The following WWOX variants were observed in gnomAD, a reference collection of about 807,000 sequenced individuals.
The protein encoded by WWOX is WW domain containing oxidoreductase.
Under a neutral mutation model 46.2 loss-of-function variants are expected in WWOX, and 69 were observed. That is an observed-to-expected ratio of 1.49 (90% CI 1.23 to 1.82). The LOEUF (loss-of-function observed/expected upper bound fraction) is 1.82. WWOX is among the 40% of genes most tolerant of loss of function. The pLI is 0.00. For synonymous variants in WWOX, 359 were observed against 202.6 expected, an observed-to-expected ratio of 1.77 and a Z score of -6.56; for missense variants, 919 against 542.6, an observed-to-expected ratio of 1.69 and a Z score of -6.89.
chr16:78,185,944 G>A (rs958183226), intron 5 of WWOX, among the ~76,000 whole-genome samples: 1 of 152,208 alleles, frequency 6.6e-6, no homozygotes, highest in Admixed American at 6.5e-5. Flanking sequence ...GGGATTACAG[G>A]TGTGAGTCAG....
intron 5 of WWOX, among the ~76,000 whole-genome samples, chr16:78,381,677 G>A (rs1820687490): frequency 6.6e-6 from 1 of 152,172 alleles, no homozygotes; most frequent in Admixed American, 6.5e-5. Flanking sequence ...AATTTTGAGA[G>A]CCATTTTACA....
intron 8 of WWOX, among the ~76,000 whole-genome samples, chr16:78,545,414 C>G (rs1038290602): frequency 6.6e-6 from 1 of 152,014 alleles, no homozygotes; most frequent in African/African-American, 2.4e-5. Flanking sequence ...GATGGGATTT[C>G]ATTATGTTGC....
intron 8 of WWOX, among the ~76,000 whole-genome samples, chr16:78,568,557 C>T (rs761622479): frequency 6.2e-4 from 93 of 149,370 alleles, no homozygotes; most frequent in Non-Finnish European, 1.1e-3. Context: ...GTCACTGCAA[C>T]CTCTGCCTCC....
At chr16:78,788,914 G>A (rs892536572) in intron 8 of WWOX, among the ~76,000 whole-genome samples, 1 of 152,354 alleles carries the variant, frequency 6.6e-6, no homozygotes, top group East Asian at 1.9e-4. Flanking sequence ...CCCCTGCTTA[G>A]TATGTGGGGA....
At chr16:78,178,036 A>G (rs962449443) in intron 5 of WWOX, among the ~76,000 whole-genome samples, 2 of 152,186 alleles carry the variant, frequency 1.3e-5, no homozygotes, top group African/African-American at 2.4e-5. Context: ...GAAAACAGAC[A>G]TGTGTTTACT....
intron 8 of WWOX, among the ~76,000 whole-genome samples, chr16:78,438,878 A>G (rs1312535693): frequency 1.3e-5 from 2 of 152,166 alleles, no homozygotes; most frequent in Non-Finnish European, 2.9e-5. Flanking sequence ...GAAAAAGCAC[A>G]AGATGTCATT....
intron 8 of WWOX, among the ~76,000 whole-genome samples, chr16:79,168,825 ACT>A (rs1213959506): frequency 6.6e-6 from 1 of 151,780 alleles, no homozygotes; most frequent in Non-Finnish European, 1.5e-5. Flanking sequence ...ACCAGAATTC[ACT>A]CTCTCCACAC....
chr16:78,506,168 T>G (rs1340159826), intron 8 of WWOX, among the ~76,000 whole-genome samples: 1 of 152,214 alleles, frequency 6.6e-6, no homozygotes, highest in African/African-American at 2.4e-5. Context: ...GTGAAAAGAC[T>G]GCACCAGAAA....
At chr16:78,725,897 T>C (rs2048818835) in intron 8 of WWOX, among the ~76,000 whole-genome samples, 1 of 152,118 alleles carries the variant, frequency 6.6e-6, no homozygotes, top group Non-Finnish European at 1.5e-5. Flanking sequence ...TGGGTCTCTC[T>C]GTCTCTACTC....
intron 3 of WWOX, among the ~76,000 whole-genome samples, chr16:78,114,615 A>G (rs2032677407): frequency 6.6e-6 from 1 of 152,142 alleles, no homozygotes; most frequent in Non-Finnish European, 1.5e-5. Context: ...TTTAATTGAA[A>G]TCTACTGAAA....
chr16:78,496,204 T>G (rs892083965), intron 8 of WWOX: 4 of 152,184 alleles, frequency 2.6e-5, no homozygotes, highest in African/African-American at 9.7e-5. Flanking sequence ...TCCTGACTAC[T>G]TGAAACACGA....
intron 8 of WWOX, among the ~76,000 whole-genome samples, chr16:79,142,035 G>T (rs1396546084): frequency 2.6e-5 from 4 of 152,190 alleles, no homozygotes; most frequent in Non-Finnish European, 1.5e-5. Flanking sequence ...ATGGGGCCCA[G>T]TTAAGAGGTA....
intron 8 of WWOX, among the ~76,000 whole-genome samples, chr16:78,706,621 GT>G (rs1189930813): frequency 6.6e-6 from 1 of 152,126 alleles, no homozygotes; most frequent in Non-Finnish European, 1.5e-5. Flanking sequence ...CAAGAAAATA[GT>G]TTTTTTCCAA....
chr16:78,128,695 A>T (rs775746990), intron 4 of WWOX, among the ~76,000 whole-genome samples: 13 of 152,194 alleles, frequency 8.5e-5, no homozygotes, highest in Non-Finnish European at 1.6e-4. Context: ...AAAATAATCA[A>T]TCTCTTTCAA....
intron 6 of WWOX, among the ~76,000 whole-genome samples, chr16:78,418,983 A>T (rs1028632629): frequency 6.6e-6 from 1 of 152,246 alleles, no homozygotes; most frequent in Non-Finnish European, 1.5e-5. Context: ...TGGAAAAAAA[A>T]GATCCAGATT....
At chr16:79,058,817 A>G (rs1304484528) in intron 8 of WWOX, among the ~76,000 whole-genome samples, 1 of 152,236 alleles carries the variant, frequency 6.6e-6, no homozygotes, top group East Asian at 1.9e-4. Flanking sequence ...TGTAAAATTC[A>G]AATTTCAATG....
In WWOX at chr16:78,360,454, G is replaced by A. The variant is rs149615813; in HGVS notation, c.517-26406G>A. Reference sequence around the variant, plus strand: ...ACAAAAATTAGCCTGGCATGGCAGCGCACACCTGTAATCCCAGATACTTGG... The same window carrying A: ...ACAAAAATTAGCCTGGCATGGCAGCACACACCTGTAATCCCAGATACTTGG... On this transcript the variant is annotated intron_variant, in intron 5 of 8. Coordinates refer to ENST00000566780, the MANE Select transcript of WWOX (RefSeq NM_016373.4). Among the ~76,000 whole-genome samples the A allele has an allele frequency of 6.1e-3, 922 of 151,896 alleles. 12 individuals carry two copies. The highest frequency in any genetic ancestry group is 0.02 in the African/African-American group (811 of 41,432).
chr16:78,126,043 C>G (rs1409803793), intron 4 of WWOX, among the ~76,000 whole-genome samples: 2 of 152,148 alleles, frequency 1.3e-5, no homozygotes, highest in Non-Finnish European at 2.9e-5. Context: ...GTTTTCCCTT[C>G]TTTCGTGATT....
rs1229485691 is a variant in WWOX, at chr16:78,562,981, A to G, written c.1056+130229A>G. ...CAGATCCCTCTGAAAAGCTTTACAGATGTTCTTTTTTTTTTTTAATCCCTC... is the reference window on the plus strand; with the variant it reads ...CAGATCCCTCTGAAAAGCTTTACAGGTGTTCTTTTTTTTTTTTAATCCCTC... On this transcript the variant is annotated intron_variant, in intron 8 of 8. Transcript: ENST00000566780. Among the ~76,000 whole-genome samples the G allele has an allele frequency of 3.4e-5, 5 of 145,352 alleles. No homozygotes were observed. The South Asian group carries it at 1.1e-3, about 31-fold the overall frequency.
Sources: gnomAD v4.1 joint callset for allele counts (sites outside exome capture counted in the v4.1 genomes callset) on GRCh38, gnomAD v4.1.1 for gene constraint, MANE v1.5 for transcripts, NCBI Gene and HGNC (gene_info 2026-07-23, HGNC 2026-07-21) for gene names.